ADAMTS9: variants seen among roughly 807,000 people sequenced by gnomAD.
ADAMTS9 encodes the protein A disintegrin and metalloproteinase with thrombospondin motifs 9.
A neutral mutation model predicts 257.1 loss-of-function variants in ADAMTS9; 107 were observed. The observed-to-expected ratio is 0.42, with a 90% CI of 0.36 to 0.49. The LOEUF (loss-of-function observed/expected upper bound fraction) is 0.49, where lower values mean the gene tolerates loss of function less well. Among genes scored for constraint, ADAMTS9 ranks in the 20% least tolerant of loss-of-function variants. The pLI is 0.03. For synonymous variants in ADAMTS9, 982 were observed against 880.9 expected, an observed-to-expected ratio of 1.11 and a Z score of -2.03; for missense variants, 2,353 against 2,469.1, an observed-to-expected ratio of 0.95 and a Z score of 1.00.
chr3:64,517,419 T>TTTTTTTTTTTTTTTTTTTC lies in ADAMTS9; in HGVS notation c.*6-299_*6-298insGAAAAAAAAAAAAAAAAAA, dbSNP rs2082791779. Among the ~76,000 whole-genome samples the TTTTTTTTTTTTTTTTTTTC allele has an allele frequency of 1.7e-5, 2 of 119,780 alleles. 1 individual carries two copies. The highest frequency in any genetic ancestry group is 3.6e-5 in the Non-Finnish European group (2 of 56,114). 78.6% of individuals were successfully genotyped at this position (119,780 alleles called of 152,430 possible). ...CAAGCCCAGCTAATTAAAAATGGTTTTTTTTTTTTTTTTTTTTTTTGCAGA... is the reference window on the plus strand; with the variant it reads ...CAAGCCCAGCTAATTAAAAATGGTTTTTTTTTTTTTTTTTTTTTCTTTTTTTTTTTTTTTTTTTTGCAGA... On this transcript the variant is annotated intron_variant, in intron 39 of 39. Coordinates refer to ENST00000498707, the MANE Select transcript of ADAMTS9 (RefSeq NM_182920.2).
chr3:64,668,723 G>C (rs572839487), intron 3 of ADAMTS9, among the ~76,000 whole-genome samples: 1 of 152,308 alleles, frequency 6.6e-6, no homozygotes, highest in African/African-American at 2.4e-5. Flanking sequence ...CTGCTGGAAC[G>C]AAGTGGCTCC....
At chr3:64,622,097 A>G in intron 18 of ADAMTS9, 101 bp downstream of exon 18, 1 of 1,254,102 alleles carries the variant, frequency 8.0e-7, no homozygotes, top group Non-Finnish European at 1.1e-6. Flanking sequence ...GTATGCAGAT[A>G]GAAGGGTTTG....
Position 64,687,637 on chromosome 3 carries a change from G to C in ADAMTS9, c.21C>G (p.Ala7=). The change falls in exon 1 of 40, where the codon GCC becomes GCG. Residue 7 remains alanine (A), a synonymous_variant. Coordinates refer to ENST00000498707, the MANE Select transcript of ADAMTS9 (RefSeq NM_182920.2). The surrounding 1 kb of genome is among the most constrained non-coding windows in gnomAD (Gnocchi z 4.4). The stretch of plus-strand genomic sequence containing the variant: ...CCCGCACCAGGAGCGTTAGCAGTGT[G>C]GCCCAGGATACAAACTGCATGGTGC... MQFVSW[A]TLLTLLVRDL... The C allele has an allele frequency of 6.3e-7, 1 of 1,576,264 alleles. No individual in the cohort carries two copies. The highest frequency in any genetic ancestry group is 8.6e-7 in the Non-Finnish European group (1 of 1,162,678).
chr3:64,611,714 C>T (rs1320639402), intron 22 of ADAMTS9, among the ~76,000 whole-genome samples: 1 of 152,190 alleles, frequency 6.6e-6, no homozygotes, highest in Non-Finnish European at 1.5e-5. Context: ...GCTGATCTGA[C>T]AGGAGGTGGA....
intron 11 of ADAMTS9, among the ~76,000 whole-genome samples, chr3:64,645,450 G>A (rs912972986): frequency 2.6e-5 from 4 of 152,090 alleles, no homozygotes; most frequent in Admixed American, 2.6e-4. Flanking sequence ...ACTGCTGCAG[G>A]AGCAGAACAG....
In ADAMTS9 at chr3:64,546,908, C is replaced by T. The variant is rs772201252; in HGVS notation, c.4914G>A (p.Ser1638=). ...CCTTCCCGGTGTAAATCTCGCTGCA[C>T]GAGACAAGCCTTTGTTTGTAGCCTT... ...CGKGYKQRLV[S]CSEIYTGKEN... Residue 1638 remains serine, a synonymous_variant, in exon 32 of 40, where the codon TCG becomes TCA. Coordinates refer to ENST00000498707, the MANE Select transcript of ADAMTS9 (RefSeq NM_182920.2). 17 of 1,613,406 alleles carry T rather than the reference C, an allele frequency of 1.1e-5. No homozygotes were observed. The highest frequency in any genetic ancestry group is 2.2e-5 in the East Asian group (1 of 44,864).
intron 2 of ADAMTS9, among the ~76,000 whole-genome samples, chr3:64,682,363 C>T (rs1331626127): frequency 6.6e-6 from 1 of 152,226 alleles, no homozygotes; most frequent in Non-Finnish European, 1.5e-5. Flanking sequence ...GTGTTAGCCT[C>T]TAACCATTAG....
At chr3:64,647,296 T>G (rs1030127957) in intron 11 of ADAMTS9, among the ~76,000 whole-genome samples, 6 of 152,150 alleles carry the variant, frequency 3.9e-5, no homozygotes, top group Admixed American at 1.3e-4. Context: ...TTTTTCTAGA[T>G]GCACACTAGG....
At chr3:64,538,411 T>A (rs1215995849) in intron 37 of ADAMTS9, among the ~76,000 whole-genome samples, 1 of 152,080 alleles carries the variant, frequency 6.6e-6, no homozygotes, top group African/African-American at 2.4e-5. Flanking sequence ...TTTATTTATT[T>A]TTTTAAAAAT....
In ADAMTS9 at chr3:64,622,235, A is replaced by G. The variant is rs1286069072; in HGVS notation, c.2649T>C (p.Ser883=). The change falls in exon 18 of 40, where the codon AGT becomes AGC. Residue 883 remains serine (S), a synonymous_variant. Transcript: ENST00000498707. ...EDKPQQFYWN[S]HGPWQACSKP... is the part of the protein sequence containing the mutation. ...TACTGCATGCTTGCCATGGCCCATG[A>G]CTGTTCCAGTAAAACTGCTGAGGTT... 7 of 1,614,058 alleles carry G rather than the reference A, an allele frequency of 4.3e-6. No individual in the cohort carries two copies. The South Asian group carries it at 4.4e-5, about 10-fold the overall frequency.
chr3:64,568,236 A>T, intron 29 of ADAMTS9, 132 bp downstream of exon 29: 1 of 898,510 alleles, frequency 1.1e-6, no homozygotes, highest in Non-Finnish European at 1.6e-6. Context: ...CTAGGTAATG[A>T]TTCTCCCCTC....
At chr3:64,615,626 T>C in intron 20 of ADAMTS9, 141 bp from the exon 21 acceptor site, 3 of 936,102 alleles carry the variant, frequency 3.2e-6, no homozygotes, top group Non-Finnish European at 4.7e-6. Flanking sequence ...TGGAGATCTT[T>C]TCATGTTATC....
At chr3:64,548,479 C>T (rs902977108) in intron 31 of ADAMTS9, among the ~76,000 whole-genome samples, 1 of 152,164 alleles carries the variant, frequency 6.6e-6, no homozygotes, top group Non-Finnish European at 1.5e-5. Flanking sequence ...CCCAGTGTTG[C>T]ATGCATTGAC....
Position 64,660,812 on chromosome 3 carries a change from A to G in ADAMTS9, c.680-2021T>C, listed in dbSNP as rs116052479. On this transcript the variant is annotated intron_variant, in intron 3 of 39. Coordinates refer to ENST00000498707, the MANE Select transcript of ADAMTS9 (RefSeq NM_182920.2). ...AAAAGGTGAAAATTCCCAACTTAAT[A>G]AGCAAAGAAAAAAAAACGTTGCATG... is the stretch of plus-strand genomic sequence containing the variant. 5.9e-3 allele frequency among the ~76,000 whole-genome samples: 893 copies of G among 152,292 alleles called. 5 individuals carry two copies. Among genetic ancestry groups the G allele is most frequent in the African/African-American group, 0.021 (857 of 41,556 alleles).
chr3:64,575,944 C>T (rs1317046211), intron 28 of ADAMTS9, among the ~76,000 whole-genome samples: 1 of 152,120 alleles, frequency 6.6e-6, no homozygotes, highest in Non-Finnish European at 1.5e-5. Context: ...ATTTTGTTAA[C>T]TAATGGAGTC....
intron 3 of ADAMTS9, among the ~76,000 whole-genome samples, chr3:64,659,803 G>T (rs1701182010): frequency 6.6e-6 from 1 of 152,042 alleles, no homozygotes; most frequent in Admixed American, 6.6e-5. Context: ...TCATGCCTAG[G>T]CCTCTTCTTG....
At chr3:64,580,635 C>G (rs966795235) in intron 28 of ADAMTS9, among the ~76,000 whole-genome samples, 10 of 152,032 alleles carry the variant, frequency 6.6e-5, no homozygotes, top group African/African-American at 2.2e-4. Context: ...GCTGGGTGAC[C>G]CAGTCCAAAT....
chr3:64,622,143 T>C, intron 18 of ADAMTS9, 55 bp downstream of exon 18: 1 of 1,530,334 alleles, frequency 6.5e-7, no homozygotes, highest in East Asian at 2.3e-5. Context: ...TAAAAATAAA[T>C]AAATAAATAA....
intron 3 of ADAMTS9, among the ~76,000 whole-genome samples, chr3:64,677,952 C>T (rs964981724): frequency 2.8e-4 from 42 of 152,156 alleles, no homozygotes; most frequent in African/African-American, 1.0e-3. Context: ...CTATGCTTCC[C>T]TTTTTAACAT....
Sources: allele counts gnomAD v4.1 joint callset (sites outside exome capture counted in the v4.1 genomes callset), GRCh38; gene constraint gnomAD v4.1.1; non-coding constraint Gnocchi (gnomAD v3.1); transcripts MANE v1.5; gene names NCBI Gene and HGNC (gene_info 2026-07-23, HGNC 2026-07-21).